Variants in SIPA1L1 observed in about 807,000 individuals in gnomAD.
The protein encoded by SIPA1L1 is signal-induced proliferation-associated 1-like protein 1.
In SIPA1L1, 26 loss-of-function variants were observed where a neutral mutation model predicts 162.7. That is an observed-to-expected ratio of 0.16 (90% CI 0.12 to 0.22). SIPA1L1 has a LOEUF of 0.22. Ranked by LOEUF, SIPA1L1 falls within the 10% of genes least tolerant of loss-of-function variation. The pLI is 1.00. For missense variants in SIPA1L1, 1,874 were observed against 2,241.0 expected (o/e 0.84, Z 3.31); for synonymous variants, 829 against 837.4 (o/e 0.99, Z 0.17).
At chr14:71,519,297 T>A (rs1206218276) in intron 3 of SIPA1L1, among the ~76,000 whole-genome samples, 1 of 152,082 alleles carries the variant, frequency 6.6e-6, no homozygotes, top group Non-Finnish European at 1.5e-5. Flanking sequence ...AGAACCTGCC[T>A]CAAACAAAAA....
At chr14:71,511,954 A>G (rs1483637117) in intron 2 of SIPA1L1, among the ~76,000 whole-genome samples, 2 of 152,182 alleles carry the variant, frequency 1.3e-5, no homozygotes, top group African/African-American at 2.4e-5. Flanking sequence ...CACGATATGC[A>G]TCTTCCATTT....
intron 17 of SIPA1L1, among the ~76,000 whole-genome samples, chr14:71,713,342 A>G (rs537147660): frequency 6.6e-6 from 1 of 152,376 alleles, no homozygotes; most frequent in African/African-American, 2.4e-5. Context: ...ACAGAGCTGC[A>G]GTGCTTATAG....
chr14:71,549,842 G>A (rs1189061871), intron 4 of SIPA1L1, among the ~76,000 whole-genome samples: 1 of 152,158 alleles, frequency 6.6e-6, no homozygotes, highest in Non-Finnish European at 1.5e-5. Context: ...TGCGGAAGTT[G>A]ACGGTCATGC....
At chr14:71,674,549 G>GTTTTTT (rs776605036) in intron 12 of SIPA1L1, among the ~76,000 whole-genome samples, 8 of 137,390 alleles carry the variant, frequency 5.8e-5, no homozygotes, top group African/African-American at 2.2e-4. Flanking sequence ...TAGCATTCCT[G>GTTTTTT]TTTTTTTTTT....
chr14:71,674,549 G>GTTTTTTT (rs776605036), intron 12 of SIPA1L1, among the ~76,000 whole-genome samples: 4 of 137,396 alleles, frequency 2.9e-5, no homozygotes, highest in African/African-American at 1.1e-4. Flanking sequence ...TAGCATTCCT[G>GTTTTTTT]TTTTTTTTTT....
intron 2 of SIPA1L1, among the ~76,000 whole-genome samples, chr14:71,506,290 A>C (rs2050661037): frequency 6.6e-6 from 1 of 152,142 alleles, no homozygotes; most frequent in Non-Finnish European, 1.5e-5. Context: ...TGTATTATTT[A>C]CATAAGATCC....
chr14:71,392,785 G>A (rs563653078), intron 2 of SIPA1L1, among the ~76,000 whole-genome samples: 48 of 152,122 alleles, frequency 3.2e-4, no homozygotes, highest in African/African-American at 1.1e-3. Context: ...TGCCCGTCTC[G>A]GCCTCTCAAA....
chr14:71,666,907 G>A (rs1433687221), intron 10 of SIPA1L1, among the ~76,000 whole-genome samples: 1 of 149,856 alleles, frequency 6.7e-6, no homozygotes, highest in African/African-American at 2.5e-5. Flanking sequence ...GCAAGCTTCA[G>A]CTGAGAAGAA....
chr14:71,713,532 G>T (rs942814056), intron 17 of SIPA1L1, among the ~76,000 whole-genome samples: 1 of 152,194 alleles, frequency 6.6e-6, no homozygotes, highest in Non-Finnish European at 1.5e-5. Context: ...CATTATCACT[G>T]GAAGAACTGG....
intron 7 of SIPA1L1, among the ~76,000 whole-genome samples, chr14:71,638,147 G>T (rs2041350625): frequency 6.6e-6 from 1 of 152,104 alleles, no homozygotes; most frequent in Admixed American, 6.5e-5. Context: ...ATTATCACCA[G>T]TTCTGCACAA....
At chr14:71,458,942 G>T (rs1473179868) in intron 2 of SIPA1L1, among the ~76,000 whole-genome samples, 1 of 152,026 alleles carries the variant, frequency 6.6e-6, no homozygotes, top group Non-Finnish European at 1.5e-5. Flanking sequence ...GCATGGTGGT[G>T]TGCTCCTGTA....
chr14:71,447,613 G>T (rs1039302469), intron 2 of SIPA1L1, among the ~76,000 whole-genome samples: 6 of 150,356 alleles, frequency 4.0e-5, no homozygotes, highest in South Asian at 2.1e-4. Context: ...GCCCAGGCTG[G>T]AGTGCAGTGG....
At chr14:71,495,902 AAAAAAAAAAAAG>A (rs1232643641) in intron 2 of SIPA1L1, among the ~76,000 whole-genome samples, 18 of 147,364 alleles carry the variant, frequency 1.2e-4, no homozygotes, top group African/African-American at 4.4e-4. Context: ...AAAAAAAAAA[AAAAAAAAAAAAG>A]AAGAAGAAAG....
intron 8 of SIPA1L1, among the ~76,000 whole-genome samples, chr14:71,652,046 A>G (rs570508531): frequency 2.6e-4 from 39 of 152,298 alleles, no homozygotes; most frequent in Non-Finnish European, 4.3e-4. Context: ...CTTTCAGGGC[A>G]TATTTCCTGA....
At chr14:71,402,284 G>A (rs544799065) in intron 2 of SIPA1L1, among the ~76,000 whole-genome samples, 1 of 151,930 alleles carries the variant, frequency 6.6e-6, no homozygotes, top group Non-Finnish European at 1.5e-5. Flanking sequence ...AAAAGGCAAG[G>A]ATTTGGAATA....
intron 2 of SIPA1L1, among the ~76,000 whole-genome samples, chr14:71,475,008 A>G (rs757202949): frequency 2.0e-5 from 3 of 152,194 alleles, no homozygotes; most frequent in Non-Finnish European, 4.4e-5. Flanking sequence ...ACTCAGACTA[A>G]TAGAAATAAT....
intron 2 of SIPA1L1, among the ~76,000 whole-genome samples, chr14:71,425,529 T>C (rs1230659672): frequency 6.6e-6 from 1 of 152,158 alleles, no homozygotes; most frequent in Non-Finnish European, 1.5e-5. Context: ...GGAAATAGTT[T>C]TACTTCTTAT....
chr14:71,387,179 T>C (rs1595158317), intron 2 of SIPA1L1, among the ~76,000 whole-genome samples: 1 of 124,950 alleles, frequency 8.0e-6, no homozygotes, highest in African/African-American at 3.1e-5. Context: ...ATCTGGGAGG[T>C]GGAGGTTGCA....
chr14:71,586,456 A>G (rs930232137), intron 4 of SIPA1L1: 7 of 152,128 alleles, frequency 4.6e-5, no homozygotes, highest in Admixed American at 6.5e-5. Context: ...TTTGTAGACA[A>G]TGCCGCCCTG....
Sources: allele counts gnomAD v4.1 joint callset (sites outside exome capture counted in the v4.1 genomes callset), GRCh38; gene constraint gnomAD v4.1.1; transcripts MANE v1.5; gene names NCBI Gene and HGNC (gene_info 2026-07-23, HGNC 2026-07-21).